The following RSPO1 variants were observed in gnomAD, a reference collection of about 807,000 sequenced individuals.
RSPO1 encodes R-spondin 1, also known as R-spondin-1.
RSPO1 carries 18 observed loss-of-function variants against 26.0 expected under a neutral mutation model. The observed-to-expected ratio is 0.69, with a 90% CI of 0.48 to 1.03. The LOEUF is 1.03. Among genes scored for constraint, RSPO1 ranks in the 50% least tolerant of loss-of-function variants. The pLI, the probability that RSPO1 is intolerant of heterozygous loss-of-function variation, is 0.00. For synonymous variants in RSPO1, 133 were observed against 137.4 expected (o/e 0.97, Z 0.22); for missense variants, 309 against 352.3 (o/e 0.88, Z 0.98).
rs918495120 is a variant in RSPO1, at chr1:37,611,962, G to A, written c.*793C>T. 6 of 152,156 alleles carry A rather than the reference G, an allele frequency of 3.9e-5. No individual in the cohort carries two copies. The highest frequency in any genetic ancestry group is 1.3e-4 in the Admixed American group (2 of 15,276). The allele number at this position is 152,156 out of a possible 1,614,324, so 9.4% of individuals were successfully genotyped here. A position where few individuals can be genotyped will look rare whatever the true frequency, so the allele number is the denominator to read the frequency against. ...TGCCGGGCCATGCTCTGAGTAACAA[G>A]GATATAGACAGCCTGTTTACCACCG... is the stretch of plus-strand genomic sequence containing the variant. On this transcript the variant is annotated 3_prime_UTR_variant, in exon 7 of 7. Coordinates refer to ENST00000356545, the MANE Select transcript of RSPO1 (RefSeq NM_001242908.2).
chr1:37,623,295 G>T (rs558700908), intron 3 of RSPO1, among the ~76,000 whole-genome samples: 1 of 151,886 alleles, frequency 6.6e-6, no homozygotes, highest in Non-Finnish European at 1.5e-5. Context: ...CAAGGAAGAC[G>T]GTTCATATTT....
chr1:37,613,729 T>G lies in RSPO1; in HGVS notation c.600A>C (p.Thr200=). 1 of 1,613,790 alleles carries G rather than the reference T, an allele frequency of 6.2e-7. No homozygotes were observed. Among genetic ancestry groups the G allele is most frequent in the Non-Finnish European group, 8.5e-7 (1 of 1,179,972 alleles). The change falls in exon 6 of 7, where the codon ACA becomes ACC. Residue 200 remains threonine, a synonymous_variant. Transcript: ENST00000356545. The surrounding 1 kb of genome is among the most constrained non-coding windows in gnomAD (Gnocchi z 4.5). The part of the protein sequence containing the change: ...CSDTKETRRC[T]VRRVPCPEGQ... ...CCTCAGGACACGGCACTCTCCTCAC[T>G]GTGCACCTCCGGGTCTCCTTGGTGT...
intron 3 of RSPO1, among the ~76,000 whole-genome samples, chr1:37,621,235 G>A (rs1222508110): frequency 1.3e-5 from 2 of 152,170 alleles, no homozygotes; most frequent in Non-Finnish European, 2.9e-5. Flanking sequence ...GCTGGATGAG[G>A]AAGGGTCTTA....
chr1:37,633,296 G>A (rs1442996669), intron 1 of RSPO1, among the ~76,000 whole-genome samples: 1 of 152,224 alleles, frequency 6.6e-6, no homozygotes, highest in African/African-American at 2.4e-5. Flanking sequence ...TGAGTGTGGG[G>A]CACAACCCAG....
At chr1:37,626,123 C>A (rs1461346347) in intron 3 of RSPO1, among the ~76,000 whole-genome samples, 1 of 152,120 alleles carries the variant, frequency 6.6e-6, no homozygotes, top group Non-Finnish European at 1.5e-5. Context: ...CTCAGTAGCT[C>A]CTCACCCACT....
At chr1:37,632,078 C>A (rs746146132) in intron 2 of RSPO1, 1 of 152,198 alleles carries the variant, frequency 6.6e-6, no homozygotes, top group Non-Finnish European at 1.5e-5. Context: ...GGACTCACTG[C>A]GTGATCAATA....
intron 1 of RSPO1, among the ~76,000 whole-genome samples, chr1:37,633,389 A>G (rs1644387142): frequency 6.6e-6 from 1 of 152,158 alleles, no homozygotes; most frequent in Non-Finnish European, 1.5e-5. Flanking sequence ...AGAGGCCACA[A>G]GGGCCTCGGA....
rs1395100595 is a variant in RSPO1 at position 37,634,197 on chromosome 1, G to A, written c.-356+369C>T. Among the ~76,000 whole-genome samples, 1 of 152,156 alleles carries A rather than the reference G, an allele frequency of 6.6e-6. No homozygotes were observed. The highest frequency in any genetic ancestry group is 1.5e-5 in the Non-Finnish European group (1 of 68,008). On this transcript the variant is annotated intron_variant, in intron 1 of 6. Coordinates refer to ENST00000356545, the MANE Select transcript of RSPO1 (RefSeq NM_001242908.2). The surrounding 1 kb of genome is among the most constrained non-coding windows in gnomAD (Gnocchi z 4.7). ...TCACCAGAGACCGTGGGACTTGGGG[G>A]AATCCGAGCCAATGAGCCCCAGGAT...
Position 37,617,429 on chromosome 1 carries a change from C to T in RSPO1, c.95-754G>A, listed in dbSNP as rs1036742420. Among the ~76,000 whole-genome samples, 8 of 152,010 alleles carry T rather than the reference C, an allele frequency of 5.3e-5. No individual in the cohort carries two copies. The East Asian group carries it at 5.8e-4, about 11-fold the overall frequency. On this transcript the variant is annotated intron_variant, in intron 3 of 6. Coordinates refer to ENST00000356545, the MANE Select transcript of RSPO1 (RefSeq NM_001242908.2). ...ATCCCAGCACTTTGGGAGGCCAAGG[C>T]GGGCAGAACACCTGAGGTCAGGAGT... is the stretch of plus-strand genomic sequence containing the variant.
intron 4 of RSPO1, among the ~76,000 whole-genome samples, chr1:37,616,229 G>A (rs892259756): frequency 6.6e-6 from 1 of 152,146 alleles, no homozygotes; most frequent in Admixed American, 6.5e-5. Flanking sequence ...TCAGGGCTGT[G>A]GCTTGGGTGA....
chr1:37,627,825 C>A (rs917419415), intron 3 of RSPO1, among the ~76,000 whole-genome samples: 3 of 152,212 alleles, frequency 2.0e-5, no homozygotes, highest in Non-Finnish European at 4.4e-5. Flanking sequence ...TCATCCCTCC[C>A]TGCACCCCTG....
At position 37,616,619 on chromosome 1, in the gene RSPO1, T is replaced by C; in HGVS notation, c.151A>G (p.Asn51Asp). The C allele has an allele frequency of 6.2e-7, 1 of 1,614,100 alleles. No homozygotes were observed. Among genetic ancestry groups the C allele is most frequent in the Non-Finnish European group, 8.5e-7 (1 of 1,180,022 alleles). The part of the protein sequence containing the change: ...AKGCELCSEV[N>D]GCLKCSPKLF... Reference sequence around the variant, plus strand: ...TTGGGTGAGCACTTGAGGCAGCCGTTGACTTCAGAGCAGAGCTCACAGCCT... The same window carrying C: ...TTGGGTGAGCACTTGAGGCAGCCGTCGACTTCAGAGCAGAGCTCACAGCCT... Residue 51 changes from asparagine (N) to aspartate (D), a missense_variant, in exon 4 of 7, where the codon AAC becomes GAC. Asn to Asp is a conservative substitution (Grantham distance 23). Coordinates refer to ENST00000356545, the MANE Select transcript of RSPO1 (RefSeq NM_001242908.2).
chr1:37,624,619 A>G (rs948216093), intron 3 of RSPO1, among the ~76,000 whole-genome samples: 7 of 152,174 alleles, frequency 4.6e-5, no homozygotes, highest in African/African-American at 1.7e-4. Flanking sequence ...GGCTATGATG[A>G]GGCACTGCTC....
Position 37,629,739 on chromosome 1 carries a change from C to A in RSPO1, c.-78G>T. The A allele has an allele frequency of 6.3e-7, 1 of 1,580,292 alleles. No individual in the cohort carries two copies. Among genetic ancestry groups the A allele is most frequent in the Non-Finnish European group, 8.6e-7 (1 of 1,162,872 alleles). ...GGATAGCACACGGCTCTTGCTAACA[C>A]CTCTGGGGCTGGGTCAGCAGCAGGA... On this transcript the variant is annotated 5_prime_UTR_variant, in exon 3 of 7. Coordinates refer to ENST00000356545, the MANE Select transcript of RSPO1 (RefSeq NM_001242908.2).
Position 37,613,899 on chromosome 1 carries a change from GGAAGA to G in RSPO1, c.437-12_437-8del. 1.2e-6 allele frequency: 2 copies of G among 1,613,870 alleles called. No individual in the cohort carries two copies. The highest frequency in any genetic ancestry group is 1.7e-6 in the Non-Finnish European group (2 of 1,179,874). On this transcript the variant is annotated splice_polypyrimidine_tract_variant and splice_region_variant and intron_variant, in intron 5 of 6. Coordinates refer to ENST00000356545, the MANE Select transcript of RSPO1 (RefSeq NM_001242908.2). This position sits in a 1 kb window ranked among gnomAD's most constrained non-coding sequence, Gnocchi z 4.5. ...TCGCTCATTTCACATTGCGCTGGCA[GGAAGA>G]GAAGGGAAGGGAGAGAAGGACAAGG...
chr1:37,621,065 A>G (rs1435838338), intron 3 of RSPO1, among the ~76,000 whole-genome samples: 2 of 152,130 alleles, frequency 1.3e-5, no homozygotes, highest in Non-Finnish European at 2.9e-5. Flanking sequence ...CCCACCTTCC[A>G]TTCCACTAGC....
At chr1:37,623,410 G>A (rs774668512) in intron 3 of RSPO1, among the ~76,000 whole-genome samples, 9 of 152,118 alleles carry the variant, frequency 5.9e-5, no homozygotes, top group Non-Finnish European at 8.8e-5. Context: ...GAGCTGGAAC[G>A]TGGAGGTATA....
intron 5 of RSPO1, 123 bp from the exon 6 acceptor site, chr1:37,614,015 G>A: frequency 2.2e-6 from 3 of 1,340,688 alleles, no homozygotes; most frequent in Non-Finnish European, 3.2e-6. Flanking sequence ...TGAGGCTGCA[G>A]GTATCTTTAG....
rs527373721 is a variant in RSPO1 at position 37,613,264 on chromosome 1, A to C, written c.626-343T>G. Among the ~76,000 whole-genome samples, 9 of 152,344 alleles carry C rather than the reference A, an allele frequency of 5.9e-5. No individual in the cohort carries two copies. The South Asian group carries it at 1.9e-3, about 32-fold the overall frequency. ...ATTCAGTGCAACTCTCAGAACAGGCAGGACTGCCCCCATCCCCTATCCGCC... is the reference window on the plus strand; with the variant it reads ...ATTCAGTGCAACTCTCAGAACAGGCCGGACTGCCCCCATCCCCTATCCGCC... On this transcript the variant is annotated intron_variant, in intron 6 of 6. Transcript: ENST00000356545. The surrounding 1 kb of genome is among the most constrained non-coding windows in gnomAD (Gnocchi z 4.5).
Sources: gnomAD v4.1 joint callset for allele counts (sites outside exome capture counted in the v4.1 genomes callset) on GRCh38, gnomAD v4.1.1 for gene constraint, Gnocchi (gnomAD v3.1) non-coding constraint, MANE v1.5 for transcripts, NCBI Gene and HGNC (gene_info 2026-07-23, HGNC 2026-07-21) for gene names.